Variants in SND1 observed in about 807,000 individuals in gnomAD.
SND1 encodes the protein staphylococcal nuclease and tudor domain containing 1, also known as staphylococcal nuclease domain-containing protein 1.
In SND1, 38 loss-of-function variants were observed where a neutral mutation model predicts 121.7. The observed-to-expected ratio is 0.31, with a 90% confidence interval of 0.24 to 0.41. The LOEUF (loss-of-function observed/expected upper bound fraction) is 0.41, where lower values mean the gene tolerates loss of function less well. Ranked by LOEUF, SND1 falls within the 10% of genes least tolerant of loss-of-function variation. The pLI is 1.00. For missense variants in SND1, 868 were observed against 1,184.6 expected (o/e 0.73, Z 3.92); for synonymous variants, 401 against 447.4 (o/e 0.90, Z 1.31).
chr7:127,936,234 GCCT>G (rs1801059066), intron 15 of SND1, among the ~76,000 whole-genome samples: 1 of 152,036 alleles, frequency 6.6e-6, no homozygotes, highest in Non-Finnish European at 1.5e-5. Flanking sequence ...TGCTGCTGTG[GCCT>G]CCTCCTAAGC....
chr7:128,049,628 C>T lies in SND1; in HGVS notation c.1780-24874C>T, dbSNP rs374954878. On this transcript the variant is annotated intron_variant, in intron 16 of 23. Coordinates refer to ENST00000354725, the MANE Select transcript of SND1 (RefSeq NM_014390.4). ...AGCAGGATGGCATTATGGTCAGCAG[C>T]GTGGACCTTGGAATCAGAGACCTGT... Among the ~76,000 whole-genome samples the T allele has an allele frequency of 3.9e-5, 6 of 152,274 alleles. No individual in the cohort carries two copies. The South Asian group carries it at 1.0e-3, about 26-fold the overall frequency.
chr7:127,949,131 C>A (rs1801401921), intron 15 of SND1: 1 of 152,114 alleles, frequency 6.6e-6, no homozygotes, highest in Non-Finnish European at 1.5e-5. Context: ...ATGAACAATG[C>A]AAATGTGAAG....
intron 12 of SND1, among the ~76,000 whole-genome samples, chr7:127,845,789 T>C (rs1309744679): frequency 6.6e-6 from 1 of 152,228 alleles, no homozygotes; most frequent in African/African-American, 2.4e-5. Flanking sequence ...TTTAACATTC[T>C]ATTAGAATGG....
chr7:128,068,843 T>A (rs1394182570), intron 16 of SND1, among the ~76,000 whole-genome samples: 1 of 152,254 alleles, frequency 6.6e-6, no homozygotes, highest in Admixed American at 6.5e-5. Context: ...ATTAACAGCC[T>A]GTGCCGTTTG....
At chr7:128,042,850 T>G (rs1490165638) in intron 16 of SND1, among the ~76,000 whole-genome samples, 2 of 152,220 alleles carry the variant, frequency 1.3e-5, no homozygotes, top group Middle Eastern at 3.2e-3. Context: ...AGGAGTTGGC[T>G]CCTGCCAGCT....
At chr7:128,075,885 C>T (rs1793498593) in intron 17 of SND1, among the ~76,000 whole-genome samples, 1 of 152,246 alleles carries the variant, frequency 6.6e-6, no homozygotes, top group South Asian at 2.1e-4. Flanking sequence ...CCTGGATTTC[C>T]TGCTTGTGAC....
chr7:127,980,144 G>T (rs373171380), intron 15 of SND1, among the ~76,000 whole-genome samples: 2 of 13,126 alleles, frequency 1.5e-4, no homozygotes, highest in African/African-American at 3.4e-3. Context: ...ACGGAGTCTC[G>T]CTCTGTCGCC....
chr7:127,926,777 G>C (rs13231339), intron 14 of SND1, among the ~76,000 whole-genome samples: 1 of 148,288 alleles, frequency 6.7e-6, no homozygotes, highest in Non-Finnish European at 1.5e-5. Flanking sequence ...ACTTTTAGTA[G>C]AGACGGGGTT....
At chr7:128,077,916 A>G (rs1257291627) in intron 17 of SND1, among the ~76,000 whole-genome samples, 3 of 152,214 alleles carry the variant, frequency 2.0e-5, no homozygotes, top group East Asian at 1.9e-4. Context: ...TGGGTGTACA[A>G]CTACTGTTTC....
intron 10 of SND1, among the ~76,000 whole-genome samples, chr7:127,794,580 C>A (rs138796047): frequency 6.6e-6 from 1 of 152,198 alleles, no homozygotes; most frequent in African/African-American, 2.4e-5. Flanking sequence ...TGGGCTCACC[C>A]GCTCCTTCTG....
intron 15 of SND1, among the ~76,000 whole-genome samples, chr7:127,953,537 T>C (rs1390529242): frequency 2.0e-5 from 3 of 152,144 alleles, no homozygotes; most frequent in Non-Finnish European, 4.4e-5. Context: ...ACTGGACCAG[T>C]TAGTCTCTGT....
intron 1 of SND1, among the ~76,000 whole-genome samples, chr7:127,682,258 A>G (rs993561948): frequency 1.3e-5 from 2 of 152,156 alleles, no homozygotes; most frequent in Admixed American, 1.3e-4. Flanking sequence ...CAGTAAACCC[A>G]TAAGTGGGTT....
rs562564930 is a variant in SND1 at position 127,778,269 on chromosome 7, A to G, written c.1153-29215A>G. Among the ~76,000 whole-genome samples the G allele has an allele frequency of 7.3e-4, 110 of 151,206 alleles. 3 individuals carry two copies. The South Asian group carries it at 0.02, about 27-fold the overall frequency. On this transcript the variant is annotated intron_variant, in intron 10 of 23. Coordinates refer to ENST00000354725, the MANE Select transcript of SND1 (RefSeq NM_014390.4). Reference sequence around the variant, plus strand: ...GAGTGCAGTGGTGTGATCTCGGCTCACTGCAACCTCCACCTCCCGGGTTCA... The same window carrying G: ...GAGTGCAGTGGTGTGATCTCGGCTCGCTGCAACCTCCACCTCCCGGGTTCA...
At chr7:127,762,574 A>G (rs1032578756) in intron 10 of SND1, among the ~76,000 whole-genome samples, 1 of 152,212 alleles carries the variant, frequency 6.6e-6, no homozygotes, top group Admixed American at 6.5e-5. Context: ...TAGGTCTTCA[A>G]CATATGGATT....
intron 1 of SND1, among the ~76,000 whole-genome samples, chr7:127,683,274 G>C (rs570986374): frequency 1.3e-5 from 2 of 152,268 alleles, no homozygotes; most frequent in South Asian, 4.1e-4. Context: ...GGAGTGCAGT[G>C]GCACAACCAT....
intron 13 of SND1, among the ~76,000 whole-genome samples, chr7:127,893,305 T>C (rs1800050224): frequency 6.6e-6 from 1 of 152,102 alleles, no homozygotes; most frequent in African/African-American, 2.4e-5. Flanking sequence ...AAGTTGGTAA[T>C]GTTTAGAGTC....
intron 10 of SND1, among the ~76,000 whole-genome samples, chr7:127,754,628 C>T (rs1797161197): frequency 6.6e-6 from 1 of 152,194 alleles, no homozygotes. Flanking sequence ...ATCCACCAGG[C>T]CAGGGAAGTG....
At chr7:127,671,294 CT>C (rs1018798645) in intron 1 of SND1, among the ~76,000 whole-genome samples, 1 of 152,212 alleles carries the variant, frequency 6.6e-6, no homozygotes, top group African/African-American at 2.4e-5. Flanking sequence ...CCTGTATCCC[CT>C]TTACCAAGAG....
intron 12 of SND1, among the ~76,000 whole-genome samples, chr7:127,853,939 CTG>C (rs1799220800): frequency 6.6e-6 from 1 of 152,106 alleles, no homozygotes; most frequent in African/African-American, 2.4e-5. Flanking sequence ...AGCCTACTCA[CTG>C]TGGTTTTTTG....
Sources: allele counts gnomAD v4.1 joint callset (sites outside exome capture counted in the v4.1 genomes callset), GRCh38; gene constraint gnomAD v4.1.1; transcripts MANE v1.5; gene names NCBI Gene and HGNC (gene_info 2026-07-23, HGNC 2026-07-21).